PRH1: variants seen among roughly 807,000 people sequenced by gnomAD.
PRH1 encodes salivary acidic proline-rich phosphoprotein 1/2.
In PRH1, 7 loss-of-function variants were observed where a neutral mutation model predicts 7.9. The observed-to-expected ratio is 0.89, with a 90% confidence interval of 0.50 to 1.67. The LOEUF (loss-of-function observed/expected upper bound fraction) is 1.67, where lower values mean the gene tolerates loss of function less well. Among genes scored for constraint, PRH1 ranks in the 40% most tolerant of loss-of-function variants. The pLI is 0.00. For missense variants in PRH1, 109 were observed against 223.6 expected (o/e 0.49, Z 3.27); for synonymous variants, 45 against 80.8 (o/e 0.56, Z 2.38).
intron 1 of PRH1, chr12:11,165,972 G>A (rs548251990): frequency 6.6e-6 from 1 of 152,352 alleles, no homozygotes; most frequent in East Asian, 1.9e-4. Context: ...GGAGCTCTTT[G>A]TTCTTCTCTA....
chr12:11,131,800 A>G (rs1427759682), intron 1 of PRH1, among the ~76,000 whole-genome samples: 1 of 152,254 alleles, frequency 6.6e-6, no homozygotes, highest in Non-Finnish European at 1.5e-5. Flanking sequence ...TGAGACCAGA[A>G]CAGGGGAACT....
chr12:10,948,256 G>C (rs576342941), intron 2 of PRH1, among the ~76,000 whole-genome samples: 1 of 152,238 alleles, frequency 6.6e-6, no homozygotes, highest in African/African-American at 2.4e-5. Context: ...TCCCTTTCAG[G>C]GATTCCAGTG....
intron 2 of PRH1, among the ~76,000 whole-genome samples, chr12:10,925,541 A>T (rs1478857541): frequency 6.6e-6 from 1 of 152,224 alleles, no homozygotes; most frequent in Non-Finnish European, 1.5e-5. Context: ...ATCTACATTG[A>T]CTGGGTTTTC....
In PRH1 at chr12:11,057,673, T is replaced by C. The variant is rs372337170; in HGVS notation, n.124-10485A>G. 1.1e-4 allele frequency among the ~76,000 whole-genome samples: 17 copies of C among 152,334 alleles called. No individual in the cohort carries two copies. In the East Asian group the frequency reaches 1.5e-3, roughly 14 times the overall value. On this transcript the variant is annotated intron_variant and non_coding_transcript_variant, in intron 1 of 4. Coordinates refer to the PRH1 transcript ENST00000541977. ...GCCTCTACCAAAACCAGATGGATTA[T>C]AGAATGAGTGCAGATTACCATAAAC...
intron 1 of PRH1, among the ~76,000 whole-genome samples, chr12:11,114,465 G>T (rs1199995317): frequency 6.6e-6 from 1 of 152,022 alleles, no homozygotes; most frequent in Non-Finnish European, 1.5e-5. Flanking sequence ...AGAACACATG[G>T]ACACAGGGAG....
chr12:10,991,202 C>T (rs10845271), intron 1 of PRH1, among the ~76,000 whole-genome samples: 46,343 of 151,906 alleles, frequency 0.31, 8,922 homozygotes, highest in East Asian at 0.74. Context: ...GAGTGTAGAC[C>T]ATTATTTCAT....
At chr12:11,039,187 T>A (rs1942589066) in intron 1 of PRH1, among the ~76,000 whole-genome samples, 1 of 152,344 alleles carries the variant, frequency 6.6e-6, no homozygotes. Flanking sequence ...AGTAAACTTA[T>A]CATGTCTGAA....
chr12:10,886,117 C>T (rs1211590089), upstream of PRH1, among the ~76,000 whole-genome samples: 1 of 152,178 alleles, frequency 6.6e-6, no homozygotes, highest in Admixed American at 6.5e-5. Context: ...AGTTGTATCT[C>T]AGGCACAGAG....
intron 2 of PRH1, among the ~76,000 whole-genome samples, chr12:10,953,243 A>G (rs1309203200): frequency 6.6e-6 from 1 of 152,144 alleles, no homozygotes; most frequent in Non-Finnish European, 1.5e-5. Context: ...TTACCTCCAA[A>G]TGACCACGCT....
At chr12:11,070,251 G>C (rs1487847663) in intron 1 of PRH1, among the ~76,000 whole-genome samples, 4 of 152,180 alleles carry the variant, frequency 2.6e-5, no homozygotes, top group Admixed American at 6.5e-5. Flanking sequence ...CGTGTTAAGA[G>C]AGAAAATGGT....
intron 1 of PRH1, among the ~76,000 whole-genome samples, chr12:10,992,760 A>C (rs1940004404): frequency 6.6e-6 from 1 of 152,148 alleles, no homozygotes; most frequent in Non-Finnish European, 1.5e-5. Context: ...GCTTTGGCTC[A>C]TGTTCAACCT....
At chr12:10,976,227 G>A (rs981147353) in intron 1 of PRH1, among the ~76,000 whole-genome samples, 1 of 152,008 alleles carries the variant, frequency 6.6e-6, no homozygotes, top group African/African-American at 2.4e-5. Flanking sequence ...TCACGTTCTT[G>A]GACCACAGCC....
At position 10,882,608 on chromosome 12, in the gene PRH1, T is replaced by C; in HGVS notation, c.191A>G (p.Asn64Ser). The change falls in exon 3 of 4, where the codon AAC (asparagine) becomes AGC (serine). Residue 64 changes from asparagine to serine, a missense_variant. Around this residue, in one of 3 missense-constraint regions of PRH1, gnomAD observed 60 missense variants for 76.5 expected, o/e 0.78. Coordinates refer to ENST00000543626, the MANE Select transcript of PRH1 (RefSeq NM_001393989.1). Reference protein sequence around the residue: ...QQSQPSAGDGNQDDGPQQGPP... With the variant: ...QQSQPSAGDGSQDDGPQQGPP... Reference sequence around the variant, plus strand: ...TCCCTGCTGAGGGCCATCATCCTGGTTCCCATCACCAGCAGAGGGTTGAGA... The same window carrying C: ...TCCCTGCTGAGGGCCATCATCCTGGCTCCCATCACCAGCAGAGGGTTGAGA... 6.2e-7 allele frequency: 1 copy of C among 1,610,398 alleles called. No individual in the cohort carries two copies.
chr12:11,122,958 T>C (rs1945961722), intron 1 of PRH1, among the ~76,000 whole-genome samples: 1 of 152,188 alleles, frequency 6.6e-6, no homozygotes, highest in Admixed American at 6.5e-5. Flanking sequence ...TCTTCACACC[T>C]CTTATGATAA....
chr12:10,907,933 C>G (rs1434964267), intron 2 of PRH1: 1 of 157,142 alleles, frequency 6.4e-6, no homozygotes, highest in African/African-American at 2.4e-5. Context: ...AGTGGCAAGT[C>G]CAAACTTCCC....
chr12:10,994,263 A>G (rs1053667280), intron 1 of PRH1, among the ~76,000 whole-genome samples: 10 of 152,158 alleles, frequency 6.6e-5, no homozygotes. Flanking sequence ...ACCTCCATCA[A>G]GGGATTGGAT....
chr12:11,045,560 C>A (rs1429252225), intron 1 of PRH1, among the ~76,000 whole-genome samples: 1 of 151,986 alleles, frequency 6.6e-6, no homozygotes, highest in South Asian at 2.1e-4. Flanking sequence ...TAGTATGTAT[C>A]CACGAAACTT....
chr12:11,153,836 G>T (rs1429485683), intron 1 of PRH1, among the ~76,000 whole-genome samples: 1 of 151,918 alleles, frequency 6.6e-6, no homozygotes, highest in African/African-American at 2.4e-5. Flanking sequence ...AGTAGAAATG[G>T]ATCTTATGAA....
chr12:11,121,278 C>T (rs1945894533), intron 1 of PRH1: 1 of 152,174 alleles, frequency 6.6e-6, no homozygotes, highest in African/African-American at 2.4e-5. Context: ...CGTTTCCTAT[C>T]ATCAATATAT....
Sources: gnomAD v4.1 joint callset for allele counts (sites outside exome capture counted in the v4.1 genomes callset) on GRCh38, gnomAD v4.1.1 for gene constraint, gnomAD v4.1.1 regional missense constraint, MANE v1.5 for transcripts, NCBI Gene and HGNC (gene_info 2026-07-23, HGNC 2026-07-21) for gene names.